The following PXDNL variants were observed in gnomAD, a reference collection of about 807,000 sequenced individuals.
PXDNL encodes probable oxidoreductase PXDNL.
Under a neutral mutation model 150.8 loss-of-function variants are expected in PXDNL, and 145 were observed. The observed-to-expected ratio is 0.96, with a 90% CI of 0.84 to 1.10. The LOEUF (loss-of-function observed/expected upper bound fraction) is 1.10, where lower values mean the gene tolerates loss of function less well. Among genes scored for constraint, PXDNL ranks in the 50% least tolerant of loss-of-function variants. The pLI, the probability that PXDNL is intolerant of heterozygous loss-of-function variation, is 0.00. For missense variants in PXDNL, 2,087 were observed against 1,873.9 expected, an observed-to-expected ratio of 1.11 and a Z score of -2.10; for synonymous variants, 757 against 725.7, an observed-to-expected ratio of 1.04 and a Z score of -0.69.
chr8:51,602,202 T>C (rs1476913741), intron 2 of PXDNL, among the ~76,000 whole-genome samples: 2 of 151,890 alleles, frequency 1.3e-5, no homozygotes, highest in Admixed American at 6.6e-5. Flanking sequence ...TGCTCTAGAT[T>C]TTTTGTATCT....
intron 3 of PXDNL, among the ~76,000 whole-genome samples, chr8:51,562,932 G>A (rs552221104): frequency 5.9e-5 from 9 of 152,012 alleles, no homozygotes; most frequent in South Asian, 2.1e-4. Context: ...ATGGACTTGC[G>A]AGGGAGTTGC....
At chr8:51,620,752 GC>G (rs1418207482) in intron 2 of PXDNL, among the ~76,000 whole-genome samples, 9 of 151,772 alleles carry the variant, frequency 5.9e-5, no homozygotes, top group Admixed American at 5.9e-4. Context: ...TCCTCGTGTT[GC>G]CCAGGCTGGT....
chr8:51,449,721 T>C (rs1390965827), intron 10 of PXDNL, among the ~76,000 whole-genome samples: 1 of 152,224 alleles, frequency 6.6e-6, no homozygotes, highest in African/African-American at 2.4e-5. Context: ...TCCGTGACTC[T>C]TTGATTGAAT....
rs778353445 is a variant in PXDNL at position 51,423,626 on chromosome 8, C to G, written c.1744G>C (p.Ala582Pro). The G allele has an allele frequency of 3.1e-6, 5 of 1,613,712 alleles. No homozygotes were observed. The highest frequency in any genetic ancestry group is 4.2e-6 in the Non-Finnish European group (5 of 1,179,818). The change falls in exon 14 of 23, where the codon GCT becomes CCT. Residue 582 changes from alanine to proline, a missense_variant. Physicochemically the swap from Ala to Pro is conservative, Grantham distance 27. Transcript: ENST00000356297. ...FPDQGRYECVARNSFGLAVTN... is the reference protein window; with the variant it reads ...FPDQGRYECVPRNSFGLAVTN... ...ACAGCAAGGCCAAAAGAATTCCGAG[C>G]CACACATTCATATCTTCCCTGGTCA...
chr8:51,447,222 C>A (rs1809696984), intron 11 of PXDNL, 60 bp from the exon 12 acceptor site: 2 of 1,542,580 alleles, frequency 1.3e-6, no homozygotes, highest in Admixed American at 3.5e-5. Flanking sequence ...GCCAGAGCTG[C>A]TGGCTGTCCT....
chr8:51,397,929 C>G lies in PXDNL; in HGVS notation c.3557+10138G>C, dbSNP rs548536804. 3.9e-5 allele frequency among the ~76,000 whole-genome samples: 6 copies of G among 152,088 alleles called. No individual in the cohort carries two copies. The East Asian group carries it at 1.2e-3, about 29-fold the overall frequency. On this transcript the variant is annotated intron_variant, in intron 17 of 22. Coordinates refer to ENST00000356297, the MANE Select transcript of PXDNL (RefSeq NM_144651.5). ...CCTCCACCCACCCCACAACAGGCCC[C>G]GGTGTGAAGACACATAGTTAATTAT...
At chr8:51,773,539 A>T (rs887097011) in intron 1 of PXDNL, among the ~76,000 whole-genome samples, 1 of 152,206 alleles carries the variant, frequency 6.6e-6, no homozygotes, top group African/African-American at 2.4e-5. Context: ...CAATAGCCCA[A>T]ACACCTTCTA....
At chr8:51,543,651 A>G (rs80262801) in intron 4 of PXDNL, among the ~76,000 whole-genome samples, 2,766 of 150,188 alleles carry the variant, frequency 0.018, 36 homozygotes, top group African/African-American at 0.034. Context: ...GGTGGAGGTC[A>G]CAGTGAGTCG....
At chr8:51,369,007 AAAT>A in intron 19 of PXDNL, among the ~76,000 whole-genome samples, 1 of 152,230 alleles carries the variant, frequency 6.6e-6, no homozygotes, top group Non-Finnish European at 1.5e-5. Context: ...AAAAAAATAA[AAAT>A]AAAAATAAAT....
At chr8:51,628,817 A>G (rs1814424079) in intron 2 of PXDNL, among the ~76,000 whole-genome samples, 1 of 152,196 alleles carries the variant, frequency 6.6e-6, no homozygotes, top group African/African-American at 2.4e-5. Context: ...ATGTAACAAA[A>G]AGAAGACTTT....
intron 6 of PXDNL, among the ~76,000 whole-genome samples, chr8:51,476,968 T>C (rs942772170): frequency 6.6e-6 from 1 of 152,170 alleles, no homozygotes; most frequent in African/African-American, 2.4e-5. Flanking sequence ...AAATTAAATC[T>C]AAAGATACCA....
intron 1 of PXDNL, among the ~76,000 whole-genome samples, chr8:51,745,027 A>C (rs554497872): frequency 5.3e-4 from 80 of 150,608 alleles, no homozygotes; most frequent in African/African-American, 1.9e-3. Context: ...AGAAAGAAAG[A>C]AATCAATTTT....
chr8:51,524,693 A>C (rs1811732249), intron 4 of PXDNL, among the ~76,000 whole-genome samples: 1 of 152,214 alleles, frequency 6.6e-6, no homozygotes. Context: ...ATCTTTCAAA[A>C]GGTATCTTTT....
chr8:51,536,841 G>A (rs60556846), intron 4 of PXDNL, among the ~76,000 whole-genome samples: 2,874 of 152,182 alleles, frequency 0.019, 41 homozygotes, highest in African/African-American at 0.036. Context: ...TGCAACAAAC[G>A]TGCTCTGAGG....
chr8:51,704,743 C>A (rs1816326197), intron 1 of PXDNL, among the ~76,000 whole-genome samples: 1 of 152,176 alleles, frequency 6.6e-6, no homozygotes, highest in Non-Finnish European at 1.5e-5. Context: ...TGAGGTTAAG[C>A]ATTTTTTGGT....
At chr8:51,599,261 T>C (rs1585609052) in intron 2 of PXDNL, among the ~76,000 whole-genome samples, 1 of 152,178 alleles carries the variant, frequency 6.6e-6, no homozygotes, top group Non-Finnish European at 1.5e-5. Flanking sequence ...TATTTACTTC[T>C]TTTCTCCTGC....
chr8:51,499,373 C>T (rs901172176), intron 5 of PXDNL, among the ~76,000 whole-genome samples: 6 of 152,082 alleles, frequency 3.9e-5, no homozygotes, highest in East Asian at 1.9e-4. Context: ...TCAGGTGATC[C>T]GCCCACCTCG....
At chr8:51,368,396 G>C (rs1485266889) in intron 19 of PXDNL, among the ~76,000 whole-genome samples, 1 of 152,044 alleles carries the variant, frequency 6.6e-6, no homozygotes, top group East Asian at 1.9e-4. Flanking sequence ...AACAGACTCA[G>C]AGTCCATTTC....
In PXDNL at chr8:51,402,245, C is replaced by T. The variant is rs573048513; in HGVS notation, c.3557+5822G>A. On this transcript the variant is annotated intron_variant, in intron 17 of 22. Coordinates refer to ENST00000356297, the MANE Select transcript of PXDNL (RefSeq NM_144651.5). ...GAGCTATTCTTTTAAGGAGCGGAGGCAGGGCTGGGCACGATGGCTCACATC... is the reference window on the plus strand; with the variant it reads ...GAGCTATTCTTTTAAGGAGCGGAGGTAGGGCTGGGCACGATGGCTCACATC... 3.3e-5 allele frequency among the ~76,000 whole-genome samples: 5 copies of T among 152,232 alleles called. No homozygotes were observed. The South Asian group carries it at 1.0e-3, about 32-fold the overall frequency.
Sources: allele counts gnomAD v4.1 joint callset (sites outside exome capture counted in the v4.1 genomes callset), GRCh38; gene constraint gnomAD v4.1.1; transcripts MANE v1.5; gene names NCBI Gene and HGNC (gene_info 2026-07-23, HGNC 2026-07-21).